Variants in POLR1A observed in about 807,000 individuals in gnomAD.
POLR1A encodes the protein DNA-directed RNA polymerase I subunit RPA1.
In POLR1A, 84 loss-of-function variants were observed where a neutral mutation model predicts 205.3. That is an observed-to-expected ratio of 0.41 (90% CI 0.34 to 0.49). The LOEUF (loss-of-function observed/expected upper bound fraction) is 0.49, where lower values mean the gene tolerates loss of function less well. Ranked by LOEUF, POLR1A falls within the 20% of genes least tolerant of loss-of-function variation. POLR1A has a pLI of 0.22. For missense variants in POLR1A, 1,645 were observed against 2,204.5 expected, an observed-to-expected ratio of 0.75 and a Z score of 5.08; for synonymous variants, 799 against 863.7, an observed-to-expected ratio of 0.93 and a Z score of 1.31.
intron 14 of POLR1A, among the ~76,000 whole-genome samples, chr2:86,056,101 T>C (rs1389838069): frequency 2.6e-5 from 4 of 152,114 alleles, no homozygotes; most frequent in Non-Finnish European, 5.9e-5. Context: ...AAGGTCAACA[T>C]ATAAAAATTA....
chr2:86,097,469 T>G (rs1673726416), intron 3 of POLR1A, among the ~76,000 whole-genome samples: 1 of 152,098 alleles, frequency 6.6e-6, no homozygotes, highest in South Asian at 2.1e-4. Flanking sequence ...CTATTCACAA[T>G]AGCCAAGATA....
rs1367471696 is a variant in POLR1A at position 86,070,583 on chromosome 2, G to A, written c.1612-311C>T. On this transcript the variant is annotated intron_variant, in intron 12 of 33. Coordinates refer to ENST00000263857, the MANE Select transcript of POLR1A (RefSeq NM_015425.6). The surrounding 1 kb of genome is among the most constrained non-coding windows in gnomAD (Gnocchi z 4.4). ...CCGTCCCAGGTTTCTGGATTACTCT[G>A]AAAACTAATCCAAAGAAAGAAATGG... Among the ~76,000 whole-genome samples, 2 of 151,884 alleles carry A rather than the reference G, an allele frequency of 1.3e-5. No homozygotes were observed. The highest frequency in any genetic ancestry group is 2.4e-5 in the African/African-American group (1 of 41,308).
chr2:86,080,333 C>T (rs1673376559), intron 9 of POLR1A, among the ~76,000 whole-genome samples: 1 of 152,154 alleles, frequency 6.6e-6, no homozygotes, highest in Admixed American at 6.6e-5. Context: ...GGAATTTCCA[C>T]TCTGCAATAC....
rs753009460 is a variant in POLR1A, at chr2:86,100,139, T to C, written c.111A>G (p.Arg37=). 12 of 1,614,034 alleles carry C rather than the reference T, an allele frequency of 7.4e-6. No homozygotes were observed. The highest frequency in any genetic ancestry group is 3.3e-4 in the Middle Eastern group (2 of 6,084). The part of the protein sequence containing the change: ...KLSVKSITNP[R]YLDSLGNPSA... ...ATGGGTTCCCCAGGCTGTCCAGGTA[T>C]CGAGGGTTCGTAATGGATTTAACAC... The change falls in exon 2 of 34, where the codon CGA becomes CGG. Residue 37 remains arginine (R), a synonymous_variant. Coordinates refer to ENST00000263857, the MANE Select transcript of POLR1A (RefSeq NM_015425.6).
chr2:86,028,451 C>G lies in POLR1A; in HGVS notation c.4897+143G>C, dbSNP rs116768933. The G allele has an allele frequency of 5.7e-6, 4 of 695,892 alleles. No individual in the cohort carries two copies. The highest frequency in any genetic ancestry group is 1.8e-5 in the African/African-American group (1 of 57,122). The allele number at this position is 695,892 out of a possible 1,614,324, so 43.1% of individuals were successfully genotyped here. A position where few individuals can be genotyped will look rare whatever the true frequency, so the allele number is the denominator to read the frequency against. ...AGATCTGCAGTCTCCTACAGGTGCACTCACTGCACGCATGCTGCAGTGCCT... is the reference window on the plus strand; with the variant it reads ...AGATCTGCAGTCTCCTACAGGTGCAGTCACTGCACGCATGCTGCAGTGCCT... On this transcript the variant is annotated intron_variant, in intron 32 of 33. Transcript: ENST00000263857. This position sits in a 1 kb window ranked among gnomAD's most constrained non-coding sequence, Gnocchi z 4.5.
At chr2:86,038,086 C>T (rs1672531486) in intron 27 of POLR1A, among the ~76,000 whole-genome samples, 1 of 152,224 alleles carries the variant, frequency 6.6e-6, no homozygotes, top group African/African-American at 2.4e-5. Context: ...TCCTCCTGCT[C>T]CCCGGAACTC....
In POLR1A at chr2:86,032,423, A is replaced by G. The variant is rs1304554570; in HGVS notation, c.4162-41T>C. ...AAGGAAGAAAAAGATTAACTCCAAT[A>G]TCTAGTGCTCAGTGAATCCATCCAT... On this transcript the variant is annotated intron_variant, in intron 28 of 33. Transcript: ENST00000263857. The G allele has an allele frequency of 3.7e-6, 5 of 1,367,586 alleles. No homozygotes were observed. In the African/African-American group the frequency reaches 4.3e-5, roughly 12 times the overall value. 84.7% of individuals were successfully genotyped at this position (1,367,586 alleles called of 1,614,324 possible).
In POLR1A at chr2:86,070,073, C is replaced by A. The variant is rs749041152; in HGVS notation, c.1811G>T (p.Gly604Val). The A allele has an allele frequency of 6.2e-7, 1 of 1,614,130 alleles. No homozygotes were observed. The highest frequency in any genetic ancestry group is 2.2e-5 in the East Asian group (1 of 44,874). The change falls in exon 13 of 34, where the codon GGC (glycine) becomes GTC (valine). Residue 604 changes from glycine (G) to valine (V), a missense_variant. Physicochemically the swap from Gly to Val is moderately radical, Grantham distance 109. This residue lies in a region of POLR1A where 24 missense variants were observed against 52.1 expected (regional missense o/e 0.46). Transcript: ENST00000263857. The surrounding 1 kb of genome is among the most constrained non-coding windows in gnomAD (Gnocchi z 4.4). ...GGCCAGGACGTAGGCCTCGGCCCGG[C>A]CCAGCTCACTCTGGGGGAAATGGGC... Reference protein sequence around the residue: ...MNAHFPQSELGRAEAYVLACT... With the variant: ...MNAHFPQSELVRAEAYVLACT...
chr2:86,100,126 G>A lies in POLR1A; in HGVS notation c.124C>T (p.Leu42=). 1 of 1,614,186 alleles carries A rather than the reference G, an allele frequency of 6.2e-7. No homozygotes were observed. The highest frequency in any genetic ancestry group is 8.5e-7 in the Non-Finnish European group (1 of 1,180,018). The change falls in exon 2 of 34, where the codon CTG becomes TTG. Residue 42 remains leucine, a synonymous_variant. Coordinates refer to ENST00000263857, the MANE Select transcript of POLR1A (RefSeq NM_015425.6). ...AGGCCGTTTGCCGATGGGTTCCCCAGGCTGTCCAGGTATCGAGGGTTCGTA... is the reference window on the plus strand; with the variant it reads ...AGGCCGTTTGCCGATGGGTTCCCCAAGCTGTCCAGGTATCGAGGGTTCGTA... The part of the protein sequence containing the change: ...SITNPRYLDS[L]GNPSANGLYD...
intron 27 of POLR1A, among the ~76,000 whole-genome samples, chr2:86,038,083 G>A (rs891018423): frequency 2.0e-5 from 3 of 152,190 alleles, no homozygotes; most frequent in Non-Finnish European, 4.4e-5. Context: ...CCATCCTCCT[G>A]CTCCCCGGAA....
Position 86,027,189 on chromosome 2 carries a change from G to A in POLR1A, c.*234C>T. On this transcript the variant is annotated 3_prime_UTR_variant, in exon 34 of 34. Coordinates refer to ENST00000263857, the MANE Select transcript of POLR1A (RefSeq NM_015425.6). ...GGACTCAGAAGACTTGGTAAACCTT[G>A]ATAAAAATCCAGAGACAGGGAGGGG... 2 of 575,608 alleles carry A rather than the reference G, an allele frequency of 3.5e-6. No individual in the cohort carries two copies. Among genetic ancestry groups the A allele is most frequent in the Non-Finnish European group, 6.2e-6 (2 of 321,770 alleles). 35.7% of individuals were successfully genotyped at this position (575,608 alleles called of 1,614,324 possible). A position where few individuals can be genotyped will look rare whatever the true frequency, so the allele number is the denominator to read the frequency against.
chr2:86,070,280 C>G lies in POLR1A; in HGVS notation c.1612-8G>C, dbSNP rs1332426492. ...CTTCACATGCCGGCACACCTGGGAA[C>G]AGAGTGGACAGGTGGGTGATCAGTG... On this transcript the variant is annotated splice_region_variant and splice_polypyrimidine_tract_variant and intron_variant, in intron 12 of 33. Coordinates refer to ENST00000263857, the MANE Select transcript of POLR1A (RefSeq NM_015425.6). This position sits in a 1 kb window ranked among gnomAD's most constrained non-coding sequence, Gnocchi z 4.4. 1.9e-6 allele frequency: 3 copies of G among 1,598,858 alleles called. No individual in the cohort carries two copies. The highest frequency in any genetic ancestry group is 2.6e-6 in the Non-Finnish European group (3 of 1,170,690).
chr2:86,095,863 G>A (rs1214849924), intron 3 of POLR1A, among the ~76,000 whole-genome samples: 1 of 152,034 alleles, frequency 6.6e-6, no homozygotes, highest in Non-Finnish European at 1.5e-5. Flanking sequence ...GAGTAGCTGG[G>A]ACTACAGGCG....
At chr2:86,093,477 T>C (rs13430553) in intron 3 of POLR1A, among the ~76,000 whole-genome samples, 6,493 of 152,258 alleles carry the variant, frequency 0.043, 482 homozygotes, top group African/African-American at 0.15. Context: ...TTAGCACTGA[T>C]AAATTATTAC....
At chr2:86,059,137 G>T (rs993168006) in intron 14 of POLR1A, among the ~76,000 whole-genome samples, 1 of 151,722 alleles carries the variant, frequency 6.6e-6, no homozygotes, top group African/African-American at 2.4e-5. Context: ...ACACAGGAGG[G>T]GTTAAAAAGA....
intron 14 of POLR1A, among the ~76,000 whole-genome samples, chr2:86,059,073 C>T (rs1672951461): frequency 6.6e-6 from 1 of 152,108 alleles, no homozygotes. Context: ...TCGGAACATC[C>T]ACTAATAGAG....
intron 3 of POLR1A, among the ~76,000 whole-genome samples, chr2:86,096,335 A>AAAT (rs1573836794): frequency 6.6e-6 from 1 of 152,328 alleles, no homozygotes; most frequent in East Asian, 1.9e-4. Flanking sequence ...AATATTGTTA[A>AAAT]AATTACTACA....
chr2:86,027,844 G>T, intron 33 of POLR1A, 41 bp downstream of exon 33: 1 of 1,608,398 alleles, frequency 6.2e-7, no homozygotes, highest in East Asian at 2.2e-5. Context: ...GCCCAGAGTC[G>T]TCAGTAGAGG....
Position 86,043,098 on chromosome 2 carries a change from T to C in POLR1A, c.3233A>G (p.Lys1078Arg). 1 of 1,614,188 alleles carries C rather than the reference T, an allele frequency of 6.2e-7. No individual in the cohort carries two copies. Among genetic ancestry groups the C allele is most frequent in the Non-Finnish European group, 8.5e-7 (1 of 1,180,020 alleles). Reference sequence around the variant, plus strand: ...TCTTCTCAGCAGGGTGTTGGGGTGCTTGCTTTGCCATTTTTTGATAGCTCT... The same window carrying C: ...TCTTCTCAGCAGGGTGTTGGGGTGCCTGCTTTGCCATTTTTTGATAGCTCT... ...HFRAIKKWQS[K>R]HPNTLLRRGA... The change falls in exon 23 of 34, where the codon AAG (lysine) becomes AGG (arginine). Residue 1078 changes from lysine to arginine, a missense_variant. This residue lies in a region of POLR1A where 201 missense variants were observed against 222.3 expected (regional missense o/e 0.90). Coordinates refer to ENST00000263857, the MANE Select transcript of POLR1A (RefSeq NM_015425.6).
Sources: allele counts gnomAD v4.1 joint callset (sites outside exome capture counted in the v4.1 genomes callset), GRCh38; gene constraint gnomAD v4.1.1; regional missense constraint gnomAD v4.1.1; non-coding constraint Gnocchi (gnomAD v3.1); transcripts MANE v1.5; gene names NCBI Gene and HGNC (gene_info 2026-07-23, HGNC 2026-07-21).